Variants in MID1 observed in about 807,000 individuals in gnomAD.
The protein encoded by MID1 is midline 1.
MID1 carries 7 observed loss-of-function variants against 40.4 expected under a neutral mutation model. The observed-to-expected ratio is 0.17, with a 90% CI of 0.10 to 0.33. The LOEUF is 0.33. Ranked by LOEUF, MID1 falls within the 10% of genes least tolerant of loss-of-function variation. MID1 has a pLI of 1.00. For missense variants in MID1, 367 were observed against 558.5 expected, an observed-to-expected ratio of 0.66 and a Z score of 3.46; for synonymous variants, 229 against 221.2, an observed-to-expected ratio of 1.04 and a Z score of -0.31.
intron 1 of MID1, chrX:10,833,406 T>C (rs1467428795): frequency 8.9e-6 from 1 of 112,223 alleles, no homozygotes; most frequent in South Asian, 3.7e-4. Flanking sequence ...GAAAAAGTTG[T>C]CTGGAGGTAT....
chrX:10,833,391 A>C (rs2044264987), intron 1 of MID1, among the ~76,000 whole-genome samples: 1 of 112,278 alleles, frequency 8.9e-6, no homozygotes, highest in South Asian at 3.7e-4. Context: ...TGTGCAAAAC[A>C]GGCAGAAAAA....
chrX:10,801,937 C>T (rs2044010769), intron 1 of MID1, among the ~76,000 whole-genome samples: 1 of 111,523 alleles, frequency 9.0e-6, no homozygotes, highest in Non-Finnish European at 1.9e-5. Flanking sequence ...AATCCCAGCA[C>T]TTTGGGAGGC....
At chrX:10,511,003 G>A (rs1569076767) in intron 3 of MID1, among the ~76,000 whole-genome samples, 1 of 109,970 alleles carries the variant, frequency 9.1e-6, no homozygotes, top group East Asian at 2.9e-4. Flanking sequence ...CCAGCACTTT[G>A]GGAGGCCAAG....
intron 1 of MID1, among the ~76,000 whole-genome samples, chrX:10,608,994 G>C (rs909710075): frequency 7.2e-5 from 8 of 111,667 alleles, no homozygotes; most frequent in Non-Finnish European, 9.4e-5. Context: ...TGCTTTTTTG[G>C]ATTATAATAT....
chrX:10,753,378 GA>G (rs1180480301), intron 1 of MID1, among the ~76,000 whole-genome samples: 16 of 105,090 alleles, frequency 1.5e-4, no homozygotes, highest in East Asian at 5.9e-4. Flanking sequence ...ATTTCCACTG[GA>G]AAAAAAAAAT....
At chrX:10,588,351 G>A (rs919699000) in intron 1 of MID1, among the ~76,000 whole-genome samples, 4 of 110,555 alleles carry the variant, frequency 3.6e-5, no homozygotes, top group East Asian at 5.6e-4. Flanking sequence ...AGCAGCTGCC[G>A]CTACAGATTG....
At chrX:10,571,279 G>A (rs759239308) in intron 1 of MID1, among the ~76,000 whole-genome samples, 1 of 111,765 alleles carries the variant, frequency 8.9e-6, no homozygotes, top group Admixed American at 9.5e-5. Context: ...CTACCAAAAA[G>A]GAAGGGGTTT....
intron 1 of MID1, among the ~76,000 whole-genome samples, chrX:10,833,111 G>C (rs751355555): frequency 8.9e-6 from 1 of 112,256 alleles, no homozygotes; most frequent in African/African-American, 3.2e-5. Context: ...AATGAAAAAT[G>C]ATACCTTCAG....
intron 1 of MID1, among the ~76,000 whole-genome samples, chrX:10,717,416 CT>C (rs1355995356): frequency 9.3e-6 from 1 of 107,611 alleles, no homozygotes; most frequent in Non-Finnish European, 1.9e-5. Context: ...ATAAAACAGA[CT>C]TTAAACCAAC....
intron 1 of MID1, among the ~76,000 whole-genome samples, chrX:10,811,775 A>G (rs1381069678): frequency 8.9e-6 from 1 of 111,823 alleles, no homozygotes; most frequent in Non-Finnish European, 1.9e-5. Context: ...TCAGACTAGG[A>G]CTGATCTGTG....
chrX:10,740,358 G>A (rs1335329309), intron 1 of MID1, among the ~76,000 whole-genome samples: 1 of 112,866 alleles, frequency 8.9e-6, no homozygotes, highest in Non-Finnish European at 1.9e-5. Flanking sequence ...CTCAAGAAGT[G>A]AAGATCCAGC....
In MID1 at chrX:10,459,906, G is replaced by C. The variant is rs138735293; in HGVS notation, c.1286-99C>G. The C allele has an allele frequency of 1.0e-5, 9 of 889,522 alleles. No individual in the cohort carries two copies. In the East Asian group the frequency reaches 2.5e-4, roughly 25 times the overall value. 73.3% of individuals were successfully genotyped at this position (889,522 alleles called of 1,213,427 possible). ...AATTTCCATTTATTTGAATAGAGTT[G>C]GTAAGTGAAGTGCTTTGTCTTGGTA... On this transcript the variant is annotated intron_variant, in intron 7 of 9. Coordinates refer to ENST00000317552, the MANE Select transcript of MID1 (RefSeq NM_000381.4).
In MID1 at chrX:10,776,442, AG is replaced by A. The variant is rs1268218662; in HGVS notation, c.-187+57111del. Among the ~76,000 whole-genome samples, 5 of 112,189 alleles carry A rather than the reference AG, an allele frequency of 4.5e-5. No homozygotes were observed. The East Asian group carries it at 1.4e-3, about 31-fold the overall frequency. On this transcript the variant is annotated intron_variant, in intron 1 of 10. Transcript: ENST00000380785. ...AAGTTCTTGCAACGGTGATGAAAAA[AG>A]GCATCCAATTCAACCACACACAATT...
chrX:10,787,315 C>T (rs1167689685), intron 1 of MID1, among the ~76,000 whole-genome samples: 5 of 108,071 alleles, frequency 4.6e-5, no homozygotes, highest in South Asian at 4.1e-4. Context: ...CCCTTGAGTG[C>T]GTAGTAATAG....
intron 1 of MID1, among the ~76,000 whole-genome samples, chrX:10,642,499 C>A (rs1468085451): frequency 9.1e-6 from 1 of 109,741 alleles, no homozygotes; most frequent in Non-Finnish European, 1.9e-5. Context: ...AACCACTGCT[C>A]AACGAAATAA....
chrX:10,724,302 A>G (rs1031065109), intron 1 of MID1, among the ~76,000 whole-genome samples: 4 of 111,432 alleles, frequency 3.6e-5, no homozygotes, highest in African/African-American at 1.3e-4. Flanking sequence ...CAAATGATCT[A>G]TCTGCCTCAG....
chrX:10,693,030 C>T (rs374999550), intron 1 of MID1, among the ~76,000 whole-genome samples: 5 of 111,260 alleles, frequency 4.5e-5, no homozygotes, highest in African/African-American at 1.6e-4. Context: ...TTATCTCTAA[C>T]GATCCTGTTT....
At chrX:10,817,570 TTC>T (rs1301478363) in intron 1 of MID1, among the ~76,000 whole-genome samples, 19 of 88,320 alleles carry the variant, frequency 2.2e-4, no homozygotes, top group African/African-American at 7.3e-4. Flanking sequence ...CTTTCTTTCT[TTC>T]TCTCTTTCTT....
At chrX:10,780,870 G>A (rs1490685889) in intron 1 of MID1, among the ~76,000 whole-genome samples, 1 of 111,251 alleles carries the variant, frequency 9.0e-6, no homozygotes, top group Non-Finnish European at 1.9e-5. Context: ...TAAGGAGTGC[G>A]CACCCTAGAT....
Sources: allele counts gnomAD v4.1 joint callset (sites outside exome capture counted in the v4.1 genomes callset), GRCh38; gene constraint gnomAD v4.1.1; transcripts MANE v1.5; gene names NCBI Gene and HGNC (gene_info 2026-07-23, HGNC 2026-07-21).